ZBTB20: variants seen among roughly 807,000 people sequenced by gnomAD.
ZBTB20 encodes zinc finger and BTB domain-containing protein 20.
ZBTB20 carries 9 observed loss-of-function variants against 56.9 expected under a neutral mutation model. The ratio of observed to expected loss-of-function variants is 0.16; its 90% CI spans 0.10 to 0.28. The LOEUF (loss-of-function observed/expected upper bound fraction) is 0.28. ZBTB20 is among the 10% of genes least tolerant of loss of function. ZBTB20 has a pLI of 1.00. For synonymous variants in ZBTB20, 417 were observed against 420.7 expected, an observed-to-expected ratio of 0.99 and a Z score of 0.11; for missense variants, 655 against 1,003.0, an observed-to-expected ratio of 0.65 and a Z score of 4.69.
At chr3:114,402,169 T>G (rs758245888) in intron 7 of ZBTB20, among the ~76,000 whole-genome samples, 2 of 152,180 alleles carry the variant, frequency 1.3e-5, no homozygotes, top group African/African-American at 2.4e-5. Context: ...AACCAAAGAA[T>G]GTTTTAGGGC....
At chr3:115,069,006 G>C (rs866383637) in intron 2 of ZBTB20, among the ~76,000 whole-genome samples, 15 of 152,118 alleles carry the variant, frequency 9.9e-5, no homozygotes, top group African/African-American at 3.4e-4. Context: ...CTACTCTGAA[G>C]TGTGAGTCTC....
At chr3:114,456,835 G>A (rs1016958825) in intron 7 of ZBTB20, among the ~76,000 whole-genome samples, 3 of 152,162 alleles carry the variant, frequency 2.0e-5, no homozygotes, top group African/African-American at 4.8e-5. Flanking sequence ...GTATGAAACC[G>A]AAAACTATCT....
chr3:114,540,997 G>A (rs759111330), intron 6 of ZBTB20, among the ~76,000 whole-genome samples: 1 of 151,926 alleles, frequency 6.6e-6, no homozygotes, highest in Non-Finnish European at 1.5e-5. Flanking sequence ...TGAGATTCTT[G>A]TTACCTGTAA....
At chr3:114,892,221 A>C (rs1198617554) in intron 4 of ZBTB20, among the ~76,000 whole-genome samples, 1 of 152,194 alleles carries the variant, frequency 6.6e-6, no homozygotes. Context: ...TCCATTTTAC[A>C]TTCCGTCTTG....
chr3:114,882,090 G>A (rs966178577), intron 4 of ZBTB20, among the ~76,000 whole-genome samples: 5 of 151,410 alleles, frequency 3.3e-5, no homozygotes, highest in Non-Finnish European at 5.9e-5. Flanking sequence ...TATACAAAGA[G>A]GCTATACAAA....
At chr3:114,620,186 T>C (rs1382525476) in intron 6 of ZBTB20, among the ~76,000 whole-genome samples, 3 of 152,202 alleles carry the variant, frequency 2.0e-5, no homozygotes, top group African/African-American at 7.2e-5. Flanking sequence ...TAGTAAATGG[T>C]TGGAAATGCT....
At chr3:114,698,267 T>G (rs1325250531) in intron 5 of ZBTB20, among the ~76,000 whole-genome samples, 1 of 152,064 alleles carries the variant, frequency 6.6e-6, no homozygotes, top group African/African-American at 2.4e-5. Flanking sequence ...AAAACAGACA[T>G]GCTACAAATT....
intron 7 of ZBTB20, among the ~76,000 whole-genome samples, chr3:114,486,994 A>T (rs897746786): frequency 1.3e-5 from 2 of 152,152 alleles, no homozygotes; most frequent in African/African-American, 2.4e-5. Context: ...AAAAACTCTT[A>T]ATTTTATCAC....
intron 3 of ZBTB20, among the ~76,000 whole-genome samples, chr3:114,945,480 C>G (rs1235476654): frequency 6.9e-6 from 1 of 144,748 alleles, no homozygotes; most frequent in Non-Finnish European, 1.5e-5. Context: ...TATAATTATT[C>G]ATTGAAAAGA....
intron 2 of ZBTB20, among the ~76,000 whole-genome samples, chr3:115,008,790 A>G (rs1394739130): frequency 1.3e-5 from 2 of 151,926 alleles, no homozygotes; most frequent in Non-Finnish European, 2.9e-5. Flanking sequence ...AAGCATAGAA[A>G]GCAAGATTTA....
intron 5 of ZBTB20, among the ~76,000 whole-genome samples, chr3:114,725,698 A>C (rs2065223767): frequency 6.6e-6 from 1 of 152,250 alleles, no homozygotes; most frequent in Non-Finnish European, 1.5e-5. Context: ...ATATACCAAC[A>C]AATGTGCATT....
intron 6 of ZBTB20, among the ~76,000 whole-genome samples, chr3:114,612,998 A>G (rs1287976308): frequency 6.6e-6 from 1 of 152,266 alleles, no homozygotes; most frequent in African/African-American, 2.4e-5. Flanking sequence ...CAGAATCAAG[A>G]TTAGAGCCAA....
intron 7 of ZBTB20, among the ~76,000 whole-genome samples, chr3:114,478,967 A>G (rs541135258): frequency 2.6e-5 from 4 of 152,116 alleles, no homozygotes; most frequent in African/African-American, 9.7e-5. Flanking sequence ...TCTGTATTAT[A>G]AAAAATGTGC....
chr3:114,669,724 C>T (rs1303251081), intron 6 of ZBTB20, among the ~76,000 whole-genome samples: 4 of 151,538 alleles, frequency 2.6e-5, no homozygotes, highest in African/African-American at 4.8e-5. Context: ...CCATATGTAC[C>T]GCAAACATTC....
intron 4 of ZBTB20, among the ~76,000 whole-genome samples, chr3:114,804,118 G>C (rs752341894): frequency 6.6e-6 from 1 of 151,926 alleles, no homozygotes; most frequent in Non-Finnish European, 1.5e-5. Flanking sequence ...TGTACATTCT[G>C]CACTCCTTAA....
intron 2 of ZBTB20, among the ~76,000 whole-genome samples, chr3:115,064,358 A>G (rs551227847): frequency 1.3e-5 from 2 of 152,092 alleles, no homozygotes; most frequent in Non-Finnish European, 2.9e-5. Flanking sequence ...ATGTGTCTAA[A>G]AATAAAAATG....
intron 3 of ZBTB20, chr3:114,931,389 C>T: frequency 4.1e-6 from 1 of 243,314 alleles, no homozygotes; most frequent in Non-Finnish European, 8.2e-6. Context: ...CACAACATGG[C>T]AAAGAGACAA....
chr3:114,873,420 T>G (rs2076078813), intron 4 of ZBTB20, among the ~76,000 whole-genome samples: 2 of 152,174 alleles, frequency 1.3e-5, no homozygotes, highest in African/African-American at 4.8e-5. Flanking sequence ...AAATTTATTT[T>G]TATTTGCCAT....
At chr3:114,490,691 T>C (rs2042646247) in intron 7 of ZBTB20, among the ~76,000 whole-genome samples, 1 of 152,198 alleles carries the variant, frequency 6.6e-6, no homozygotes, top group Admixed American at 6.5e-5. Context: ...ATACTTCAAG[T>C]AGATGATCTA....
Sources: gnomAD v4.1 joint callset for allele counts (sites outside exome capture counted in the v4.1 genomes callset) on GRCh38, gnomAD v4.1.1 for gene constraint, MANE v1.5 for transcripts, NCBI Gene and HGNC (gene_info 2026-07-23, HGNC 2026-07-21) for gene names.